SMG6: variants seen among roughly 807,000 people sequenced by gnomAD.
SMG6 encodes the protein SMG6 nonsense mediated mRNA decay factor, also known as telomerase-binding protein EST1A.
A neutral mutation model predicts 142.2 loss-of-function variants in SMG6; 66 were observed. That is an observed-to-expected ratio of 0.46 (90% CI 0.38 to 0.57). SMG6 has a LOEUF of 0.57. Ranked by LOEUF, SMG6 falls within the 20% of genes least tolerant of loss-of-function variation. The probability of loss-of-function intolerance (pLI) is 0.00; values close to 1 mark genes in which losing one functional copy is unlikely to be tolerated. For synonymous variants in SMG6, 779 were observed against 702.4 expected (o/e 1.11, Z -1.72); for missense variants, 1,793 against 1,832.0 (o/e 0.98, Z 0.39).
chr17:2,293,001 T>C, intron 4 of SMG6, 24 bp from the exon 5 acceptor site: 3 of 1,554,250 alleles, frequency 1.9e-6, no homozygotes, highest in South Asian at 2.2e-5. Context: ...AACCAGTTAG[T>C]AGAAAAGCCA....
chr17:2,166,411 G>A (rs2071340526), intron 13 of SMG6, among the ~76,000 whole-genome samples: 1 of 152,034 alleles, frequency 6.6e-6, no homozygotes, highest in Non-Finnish European at 1.5e-5. Context: ...ATATTTTGGG[G>A]GAAAAAATGC....
chr17:2,087,007 G>A (rs1048957072), intron 13 of SMG6: 65 of 1,288,552 alleles, frequency 5.0e-5, no homozygotes, highest in Admixed American at 1.6e-4. Context: ...ATGCATCCTC[G>A]TTTCTTAGTG....
intron 10 of SMG6, among the ~76,000 whole-genome samples, chr17:2,234,084 C>T (rs992170718): frequency 2.6e-5 from 4 of 152,082 alleles, no homozygotes; most frequent in Admixed American, 1.3e-4. Context: ...GTCTCAAGTA[C>T]GGGCTTTATT....
chr17:2,099,388 C>G (rs976683037), intron 13 of SMG6, among the ~76,000 whole-genome samples: 8 of 151,906 alleles, frequency 5.3e-5, no homozygotes, highest in Admixed American at 6.6e-5. Flanking sequence ...ACGCTCTGGG[C>G]AGGTCTTAAC....
At chr17:2,082,713 C>A (rs1287096446) in intron 14 of SMG6, among the ~76,000 whole-genome samples, 2 of 152,232 alleles carry the variant, frequency 1.3e-5, no homozygotes, top group African/African-American at 2.4e-5. Context: ...TGGTCCCAGG[C>A]TCCATTCCTT....
intron 10 of SMG6, chr17:2,199,864 G>C (rs1352806603): frequency 6.6e-6 from 1 of 151,536 alleles, no homozygotes; most frequent in Non-Finnish European, 1.5e-5. Flanking sequence ...CTGAGATTGT[G>C]CCACCGCACT....
At chr17:2,104,143 G>A (rs1471304427) in intron 13 of SMG6, among the ~76,000 whole-genome samples, 1 of 151,814 alleles carries the variant, frequency 6.6e-6, no homozygotes, top group Non-Finnish European at 1.5e-5. Context: ...AGTAGAGACG[G>A]GGTTTCACCA....
At chr17:2,225,087 A>G (rs1049435770) in intron 10 of SMG6, among the ~76,000 whole-genome samples, 1 of 152,364 alleles carries the variant, frequency 6.6e-6, no homozygotes, top group South Asian at 2.1e-4. Context: ...GAACTTCACT[A>G]AATACATTCT....
intron 16 of SMG6, among the ~76,000 whole-genome samples, chr17:2,066,570 G>A (rs759414105): frequency 9.2e-5 from 14 of 151,482 alleles, no homozygotes; most frequent in Non-Finnish European, 1.9e-4. Flanking sequence ...GGGAGCCGGC[G>A]TGAGCATGCT....
chr17:2,091,310 A>G (rs113023780), intron 13 of SMG6, among the ~76,000 whole-genome samples: 2 of 152,386 alleles, frequency 1.3e-5, no homozygotes, highest in Non-Finnish European at 2.9e-5. Context: ...AGCAGACTCC[A>G]GAAGGCAGGA....
At chr17:2,180,261 C>G (rs2071765744) in intron 12 of SMG6, among the ~76,000 whole-genome samples, 1 of 152,194 alleles carries the variant, frequency 6.6e-6, no homozygotes, top group Admixed American at 6.5e-5. Context: ...GTGGGCCCTC[C>G]AAACCAAGCA....
At chr17:2,078,186 T>C (rs4790312) in intron 15 of SMG6, among the ~76,000 whole-genome samples, 95,867 of 151,878 alleles carry the variant, frequency 0.63, 30,591 homozygotes, top group Middle Eastern at 0.7. Flanking sequence ...GGCTGTGCAA[T>C]GCAGGGGCCT....
rs2151442019 is a variant in SMG6, at chr17:2,088,694, ACTGTGGG to A, written c.3358-2800_3358-2794del. The A allele has an allele frequency of 4.1e-6, 4 of 985,440 alleles. No homozygotes were observed. The South Asian group carries it at 1.9e-4, about 46-fold the overall frequency. The allele number at this position is 985,440 out of a possible 1,614,324, so 61.0% of individuals were successfully genotyped here. ...GGATGGTCAAAGCTGTGTAAAGTGT[ACTGTGGG>A]AGTGAGAAGTGCACAGTCTGAGCTC... On this transcript the variant is annotated intron_variant, in intron 13 of 18. Coordinates refer to ENST00000263073, the MANE Select transcript of SMG6 (RefSeq NM_017575.5).
intron 10 of SMG6, among the ~76,000 whole-genome samples, chr17:2,192,779 A>C (rs2072205501): frequency 6.6e-6 from 1 of 152,192 alleles, no homozygotes; most frequent in Non-Finnish European, 1.5e-5. Context: ...GTATCTTTCA[A>C]CTGCTGCTGC....
At chr17:2,196,421 C>CA (rs1205760771) in intron 10 of SMG6, among the ~76,000 whole-genome samples, 4 of 151,868 alleles carry the variant, frequency 2.6e-5, no homozygotes, top group African/African-American at 9.7e-5. Context: ...AACTCTGTCT[C>CA]AAAAAAACAA....
intron 13 of SMG6, among the ~76,000 whole-genome samples, chr17:2,142,423 T>A (rs2070509592): frequency 6.6e-6 from 1 of 151,990 alleles, no homozygotes; most frequent in African/African-American, 2.4e-5. Flanking sequence ...GGCAGGAGGA[T>A]CGCTGGAGCC....
At chr17:2,203,794 G>A (rs1265939313) in intron 10 of SMG6, among the ~76,000 whole-genome samples, 1 of 152,120 alleles carries the variant, frequency 6.6e-6, no homozygotes, top group Non-Finnish European at 1.5e-5. Flanking sequence ...CACCTCTGCT[G>A]GCGTGAAGCT....
intron 13 of SMG6, among the ~76,000 whole-genome samples, chr17:2,104,973 A>G (rs540486150): frequency 6.6e-6 from 1 of 152,046 alleles, no homozygotes; most frequent in African/African-American, 2.4e-5. Context: ...GCTGAGTGCA[A>G]TGGTGTGATC....
At chr17:2,132,755 G>C (rs1436675717) in intron 13 of SMG6, among the ~76,000 whole-genome samples, 1 of 152,128 alleles carries the variant, frequency 6.6e-6, no homozygotes, top group Non-Finnish European at 1.5e-5. Flanking sequence ...GAAGAAAGGG[G>C]ACAGTGAAGA....
Sources: gnomAD v4.1 joint callset for allele counts (sites outside exome capture counted in the v4.1 genomes callset) on GRCh38, gnomAD v4.1.1 for gene constraint, MANE v1.5 for transcripts, NCBI Gene and HGNC (gene_info 2026-07-23, HGNC 2026-07-21) for gene names.